SLC12A4: variants seen among roughly 807,000 people sequenced by gnomAD.
SLC12A4 encodes solute carrier family 12 member 4, also known as electroneutral potassium-chloride cotransporter 1.
Under a neutral mutation model 119.2 loss-of-function variants are expected in SLC12A4, and 84 were observed. That is an observed-to-expected ratio of 0.70 (90% CI 0.59 to 0.85). The LOEUF is 0.85. SLC12A4 is among the 40% of genes least tolerant of loss of function. SLC12A4 has a pLI of 0.00. For synonymous variants in SLC12A4, 599 were observed against 604.6 expected (o/e 0.99, Z 0.14); for missense variants, 1,298 against 1,476.3 (o/e 0.88, Z 1.98).
At position 67,952,196 on chromosome 16, in the gene SLC12A4, G is replaced by C; in HGVS notation, c.905C>G (p.Pro302Arg). The change falls in exon 7 of 24, where the codon CCT (proline) becomes CGT (arginine). Residue 302 changes from proline to arginine, a missense_variant. By Grantham distance (103) the Pro-to-Arg change is moderately radical. Transcript: ENST00000316341. ...YAGGIKSIFD[P>R]PVFPVCMLGN... ...CTGGGTTACTTACGGAAACACGGGA[G>C]GGTCAAATATAGACTTTATGCCCCC... is the stretch of plus-strand genomic sequence containing the variant. 1 of 1,613,982 alleles carries C rather than the reference G, an allele frequency of 6.2e-7. No individual in the cohort carries two copies. The highest frequency in any genetic ancestry group is 8.5e-7 in the Non-Finnish European group (1 of 1,179,948).
At position 67,950,754 on chromosome 16, in the gene SLC12A4, G is replaced by A; in HGVS notation, c.1397-43C>T. 1 of 1,579,704 alleles carries A rather than the reference G, an allele frequency of 6.3e-7. No individual in the cohort carries two copies. Among genetic ancestry groups the A allele is most frequent in the Non-Finnish European group, 8.6e-7 (1 of 1,163,280 alleles). On this transcript the variant is annotated intron_variant, in intron 10 of 23. Coordinates refer to ENST00000316341, the MANE Select transcript of SLC12A4 (RefSeq NM_005072.5). The surrounding 1 kb of genome is among the most constrained non-coding windows in gnomAD (Gnocchi z 4.3). ...AAAACTCGGCCTCTGCCACCCCACT[G>A]TCCCTGAATAGTACCACGTGCCCCC...
At position 67,963,932 on chromosome 16, in the gene SLC12A4, C is replaced by T. The variant is rs554810950; in HGVS notation, c.116-373G>A. 1.3e-4 allele frequency: 202 copies of T among 1,551,426 alleles called. No homozygotes were observed. In the Middle Eastern group the frequency reaches 1.3e-3, roughly 10 times the overall value. ...CCTTTCCCGGTCTTTCCGGAGTACC[C>T]AATGTGCAGGATGCCAAGGGTTCGG... is the stretch of plus-strand genomic sequence containing the variant. On this transcript the variant is annotated intron_variant, in intron 1 of 23. Coordinates refer to ENST00000316341, the MANE Select transcript of SLC12A4 (RefSeq NM_005072.5).
At chr16:67,948,462 G>A (rs544481185) in intron 13 of SLC12A4, among the ~76,000 whole-genome samples, 37 of 152,354 alleles carry the variant, frequency 2.4e-4, no homozygotes, top group African/African-American at 8.4e-4. Context: ...TCAGTGCCTG[G>A]AGACTCTAGG....
At chr16:67,947,525 A>G in intron 15 of SLC12A4, 90 bp from the exon 16 acceptor site, 1 of 1,499,840 alleles carries the variant, frequency 6.7e-7, no homozygotes, top group Non-Finnish European at 9.0e-7. Context: ...CTGCCCCTCA[A>G]GACCACCCAG....
At chr16:67,948,974 G>A (rs530798158) in intron 13 of SLC12A4, among the ~76,000 whole-genome samples, 4 of 152,246 alleles carry the variant, frequency 2.6e-5, no homozygotes, top group African/African-American at 7.2e-5. Flanking sequence ...TTTCATAACC[G>A]CACAAGCAAG....
chr16:67,964,284 G>A (rs78335263), intron 1 of SLC12A4, among the ~76,000 whole-genome samples: 11,016 of 152,278 alleles, frequency 0.072, 577 homozygotes, highest in Middle Eastern at 0.18. Context: ...GCTTGCCCCA[G>A]GCAAACCTCC....
intron 3 of SLC12A4, among the ~76,000 whole-genome samples, chr16:67,958,757 C>G (rs1406253729): frequency 6.6e-6 from 1 of 152,072 alleles, no homozygotes. Flanking sequence ...TCAGATTCTG[C>G]GAACCTGAGA....
At chr16:67,967,101 C>G (rs570186579) in intron 1 of SLC12A4, among the ~76,000 whole-genome samples, 2 of 152,338 alleles carry the variant, frequency 1.3e-5, no homozygotes, top group East Asian at 3.9e-4. Context: ...CAGACAAGGG[C>G]ATGGAGGCTG....
At chr16:67,958,138 T>TG in intron 3 of SLC12A4, 94 bp from the exon 4 acceptor site, 1 of 1,411,816 alleles carries the variant, frequency 7.1e-7, no homozygotes, top group South Asian at 1.3e-5. Context: ...CCTCCCCCAG[T>TG]GGGGCCCCAG....
chr16:67,944,054 C>G lies in SLC12A4; in HGVS notation c.*786G>C, dbSNP rs1395052054. 1 of 1,547,990 alleles carries G rather than the reference C, an allele frequency of 6.5e-7. No individual in the cohort carries two copies. The highest frequency in any genetic ancestry group is 2.0e-5 in the Admixed American group (1 of 50,928). Reference sequence around the variant, plus strand: ...AGGGGGCGGCAGGAGGGAGCAGCAGCCCCAGCAGCAGCGTCACCCACTGCC... The same window carrying G: ...AGGGGGCGGCAGGAGGGAGCAGCAGGCCCAGCAGCAGCGTCACCCACTGCC... On this transcript the variant is annotated 3_prime_UTR_variant, in exon 24 of 24. Coordinates refer to ENST00000316341, the MANE Select transcript of SLC12A4 (RefSeq NM_005072.5). This position sits in a 1 kb window ranked among gnomAD's most constrained non-coding sequence, Gnocchi z 6.6.
Position 67,946,313 on chromosome 16 carries a change from T to A in SLC12A4, c.2465A>T (p.His822Leu). The change falls in exon 19 of 24, where the codon CAC becomes CTC. Residue 822 changes from histidine (H) to leucine (L), a missense_variant. His to Leu is a moderately conservative substitution (Grantham distance 99). Coordinates refer to ENST00000316341, the MANE Select transcript of SLC12A4 (RefSeq NM_005072.5). ...IDTVRCTTAA[H>L]LALLVPKNIA... ...GTTCTTGGGCACGAGCAGGGCCAGG[T>A]GGGCAGCCGTAGTGCAGCGCACGGT... 1 of 1,611,590 alleles carries A rather than the reference T, an allele frequency of 6.2e-7. No individual in the cohort carries two copies. Among genetic ancestry groups the A allele is most frequent in the Non-Finnish European group, 8.5e-7 (1 of 1,180,024 alleles).
At chr16:67,963,617 T>C (rs918176576) in intron 1 of SLC12A4, 58 bp from the exon 2 acceptor site, 1 of 1,310,234 alleles carries the variant, frequency 7.6e-7, no homozygotes, top group Non-Finnish European at 1.1e-6. Flanking sequence ...CCTGGGCCCC[T>C]TCCCAGAAAG....
Position 67,957,921 on chromosome 16 carries a change from TGAG to T in SLC12A4, c.463_465del (p.Leu155del). 1.2e-6 allele frequency: 2 copies of T among 1,614,108 alleles called. No homozygotes were observed. Among genetic ancestry groups the T allele is most frequent in the Non-Finnish European group, 1.7e-6 (2 of 1,179,988 alleles). Reference sequence around the variant, plus strand: ...ACACAACAGCAGCAGATAAGCACGATGAGGAGGGCCTGTAGCACACCTGCTGTG... The same window carrying T: ...ACACAACAGCAGCAGATAAGCACGATGAGGGCCTGTAGCACACCTGCTGTG... On this transcript the variant is annotated inframe_deletion, in exon 4 of 24. Coordinates refer to ENST00000316341, the MANE Select transcript of SLC12A4 (RefSeq NM_005072.5).
At chr16:67,948,849 G>T (rs1051732299) in intron 13 of SLC12A4, among the ~76,000 whole-genome samples, 1 of 152,144 alleles carries the variant, frequency 6.6e-6, no homozygotes, top group Non-Finnish European at 1.5e-5. Context: ...GGTGTGGGGG[G>T]GTGGACAAGA....
In SLC12A4 at chr16:67,968,562, C is replaced by A; in HGVS notation, c.-9G>T. On this transcript the variant is annotated 5_prime_UTR_variant, in exon 1 of 24. Transcript: ENST00000316341. ...ACGGTGAAGTGAGGCATCGTGCGGG[C>A]TCGGCCCCGCCGCACCCGCCGTCCC... The A allele has an allele frequency of 4.0e-6, 6 of 1,501,726 alleles. No homozygotes were observed. The highest frequency in any genetic ancestry group is 5.7e-5 in the East Asian group (2 of 35,182). The allele number at this position is 1,501,726 out of a possible 1,614,324, so 93.0% of individuals were successfully genotyped here.
At position 67,945,426 on chromosome 16, in the gene SLC12A4, TCA is replaced by T; in HGVS notation, c.2973_2974del (p.Glu992AspfsTer9). The T allele has an allele frequency of 1.2e-6, 2 of 1,614,052 alleles. No homozygotes were observed. Among genetic ancestry groups the T allele is most frequent in the African/African-American group, 1.3e-5 (1 of 75,050 alleles). ...AGGGGCATGGCTGGGGTCCCAGGTCTCAGTCATGTACTTGTCCCTGGTCCACG... is the reference window on the plus strand; with the variant it reads ...AGGGGCATGGCTGGGGTCCCAGGTCTGTCATGTACTTGTCCCTGGTCCACG... On this transcript the variant is annotated frameshift_variant, in exon 22 of 24. Coordinates refer to ENST00000316341, the MANE Select transcript of SLC12A4 (RefSeq NM_005072.5). LOFTEE classifies it high-confidence loss of function.
chr16:67,954,626 G>C lies in SLC12A4; in HGVS notation c.675+17C>G. On this transcript the variant is annotated intron_variant, in intron 6 of 23. Transcript: ENST00000316341. ...TTTGGACATGGCCAGAGTTGGCCAGGGCTCAGCCTGACTCACCAGCAAGAT... is the reference window on the plus strand; with the variant it reads ...TTTGGACATGGCCAGAGTTGGCCAGCGCTCAGCCTGACTCACCAGCAAGAT... 5 of 1,614,064 alleles carry C rather than the reference G, an allele frequency of 3.1e-6. No homozygotes were observed. The highest frequency in any genetic ancestry group is 4.2e-6 in the Non-Finnish European group (5 of 1,179,950).
chr16:67,949,998 C>T lies in SLC12A4; in HGVS notation c.1630-80G>A. ...CCCCAGACCCCAGCCTGGCCTCCCT[C>T]ACCCCCAGGGCCCGCCTTGGGGGCT... On this transcript the variant is annotated intron_variant, in intron 12 of 23. Coordinates refer to ENST00000316341, the MANE Select transcript of SLC12A4 (RefSeq NM_005072.5). The surrounding 1 kb of genome is among the most constrained non-coding windows in gnomAD (Gnocchi z 4.6). The T allele has an allele frequency of 3.4e-6, 4 of 1,165,310 alleles. No individual in the cohort carries two copies. The highest frequency in any genetic ancestry group is 5.1e-6 in the Non-Finnish European group (4 of 785,882). 72.2% of individuals were successfully genotyped at this position (1,165,310 alleles called of 1,614,324 possible).
chr16:67,948,040 C>T (rs767748472), intron 14 of SLC12A4, 21 bp downstream of exon 14: 6 of 1,611,450 alleles, frequency 3.7e-6, no homozygotes, highest in Admixed American at 1.7e-5. Flanking sequence ...CAGGGTCTCC[C>T]GTGTCAGAGG....
Sources: gnomAD v4.1 joint callset for allele counts (sites outside exome capture counted in the v4.1 genomes callset) on GRCh38, gnomAD v4.1.1 for gene constraint, Gnocchi (gnomAD v3.1) non-coding constraint, MANE v1.5 for transcripts, NCBI Gene and HGNC (gene_info 2026-07-23, HGNC 2026-07-21) for gene names.